The following ROPN1 variants were observed in gnomAD, a reference collection of about 807,000 sequenced individuals.
The protein encoded by ROPN1 is rhophilin associated tail protein 1, also known as ropporin-1A.
In ROPN1, 14 loss-of-function variants were observed where a neutral mutation model predicts 20.5. That is an observed-to-expected ratio of 0.68 (90% CI 0.45 to 1.07). The LOEUF (loss-of-function observed/expected upper bound fraction) is 1.07, where lower values mean the gene tolerates loss of function less well. ROPN1 is among the 50% of genes least tolerant of loss of function. ROPN1 has a pLI of 0.00. For missense variants in ROPN1, 169 were observed against 242.8 expected (o/e 0.70, Z 2.02); for synonymous variants, 76 against 95.7 (o/e 0.79, Z 1.20).
intron 2 of ROPN1, chr3:123,979,926 G>T (rs917794536): frequency 5.7e-6 from 2 of 350,836 alleles, no homozygotes; most frequent in Non-Finnish European, 1.1e-5. Flanking sequence ...CATCCACCCA[G>T]GGCTGTCGCT....
chr3:123,973,502 T>C (rs2037954617), intron 4 of ROPN1, among the ~76,000 whole-genome samples: 1 of 152,092 alleles, frequency 6.6e-6, no homozygotes, highest in Non-Finnish European at 1.5e-5. Flanking sequence ...CACCTCCTTA[T>C]TTTAGAAGGG....
chr3:123,990,611 A>G (rs2038385494), intron 1 of ROPN1, among the ~76,000 whole-genome samples: 1 of 152,248 alleles, frequency 6.6e-6, no homozygotes, highest in South Asian at 2.1e-4. Context: ...AGTGGGAGAA[A>G]GGTCCATTCT....
Position 123,990,906 on chromosome 3 carries a change from C to T in ROPN1, c.-13+1016G>A, listed in dbSNP as rs1397221524. On this transcript the variant is annotated intron_variant, in intron 1 of 5. Coordinates refer to ENST00000405845, the MANE Select transcript of ROPN1 (RefSeq NM_001317774.2). Reference sequence around the variant, plus strand: ...ATTGGTATGGGCTAAACAGGGCTTCCGTTTCATAAATGAAAGTCTCCAGTA... The same window carrying T: ...ATTGGTATGGGCTAAACAGGGCTTCTGTTTCATAAATGAAAGTCTCCAGTA... 8.5e-5 allele frequency among the ~76,000 whole-genome samples: 13 copies of T among 152,234 alleles called. No individual in the cohort carries two copies. The South Asian group carries it at 1.0e-3, about 12-fold the overall frequency.
chr3:123,977,036 C>G, intron 2 of ROPN1, 55 bp from the exon 3 acceptor site: 1 of 1,510,372 alleles, frequency 6.6e-7, no homozygotes, highest in Non-Finnish European at 9.0e-7. Context: ...TGGCCTCTGG[C>G]TGTTCTAGCA....
At chr3:123,983,681 T>C (rs1413977757) in intron 1 of ROPN1, among the ~76,000 whole-genome samples, 2 of 152,160 alleles carry the variant, frequency 1.3e-5, no homozygotes, top group African/African-American at 2.4e-5. Context: ...CTCTTGCAGT[T>C]TTTTTTTCTC....
intron 1 of ROPN1, among the ~76,000 whole-genome samples, chr3:123,990,655 A>G (rs1270657898): frequency 6.6e-6 from 1 of 152,212 alleles, no homozygotes; most frequent in Non-Finnish European, 1.5e-5. Context: ...CATTTTGTAA[A>G]GTTATTTTCC....
At chr3:123,974,663 G>C (rs2037981774) in intron 4 of ROPN1, 1 of 152,740 alleles carries the variant, frequency 6.5e-6, no homozygotes, top group African/African-American at 2.4e-5. Context: ...ATGTATCTCA[G>C]GGATTCTTTT....
At chr3:123,969,907 G>T in intron 5 of ROPN1, 135 bp downstream of exon 5, 11 of 844,222 alleles carry the variant, frequency 1.3e-5, no homozygotes, top group South Asian at 6.5e-5. Flanking sequence ...TTTTCTTTCA[G>T]ATCATCCATA....
In ROPN1 at chr3:123,974,349, A is replaced by T. The variant is rs1373891205; in HGVS notation, c.396+1030T>A. 3.3e-5 allele frequency among the ~76,000 whole-genome samples: 5 copies of T among 152,182 alleles called. No homozygotes were observed. In the East Asian group the frequency reaches 9.6e-4, roughly 29 times the overall value. The stretch of plus-strand genomic sequence containing the variant: ...TGCTGCTTACTTTCCTTTCCTCCTC[A>T]GAGGATAGTGATTTATTCAGTAATA... On this transcript the variant is annotated intron_variant, in intron 4 of 5. Transcript: ENST00000405845.
intron 1 of ROPN1, among the ~76,000 whole-genome samples, chr3:123,984,642 T>C (rs2038213392): frequency 6.6e-6 from 1 of 152,180 alleles, no homozygotes; most frequent in Non-Finnish European, 1.5e-5. Flanking sequence ...AATCATATCC[T>C]GACTTTCAAG....
chr3:123,972,877 T>TA (rs1331954975), intron 4 of ROPN1, among the ~76,000 whole-genome samples: 2 of 152,188 alleles, frequency 1.3e-5, no homozygotes, highest in African/African-American at 4.8e-5. Context: ...TAAAATACCT[T>TA]AGACTGGGTA....
chr3:123,978,424 C>A (rs925591718), intron 2 of ROPN1, among the ~76,000 whole-genome samples: 3 of 152,190 alleles, frequency 2.0e-5, no homozygotes, highest in African/African-American at 7.2e-5. Flanking sequence ...ACCAACATCT[C>A]TGGACTTCTT....
At chr3:123,972,952 C>A (rs1293641112) in intron 4 of ROPN1, among the ~76,000 whole-genome samples, 1 of 152,122 alleles carries the variant, frequency 6.6e-6, no homozygotes, top group Non-Finnish European at 1.5e-5. Flanking sequence ...GACCAAGAGG[C>A]CAGCAGATTT....
At chr3:123,990,869 T>G (rs2038392112) in intron 1 of ROPN1, among the ~76,000 whole-genome samples, 1 of 152,234 alleles carries the variant, frequency 6.6e-6, no homozygotes, top group Admixed American at 6.5e-5. Context: ...CAGGGATCTC[T>G]CACTTGGTTT....
intron 1 of ROPN1, among the ~76,000 whole-genome samples, chr3:123,982,271 A>G (rs752355478): frequency 3.3e-5 from 5 of 152,258 alleles, no homozygotes; most frequent in Non-Finnish European, 7.3e-5. Context: ...TAAGACAATA[A>G]CAACAATTCT....
chr3:123,976,070 G>A (rs2038015292), intron 3 of ROPN1, among the ~76,000 whole-genome samples: 1 of 152,220 alleles, frequency 6.6e-6, no homozygotes, highest in Non-Finnish European at 1.5e-5. Flanking sequence ...GATGCCTAAT[G>A]TTGCTTGATC....
chr3:123,970,419 T>G (rs2037892726), intron 4 of ROPN1, among the ~76,000 whole-genome samples: 1 of 152,250 alleles, frequency 6.6e-6, no homozygotes, highest in African/African-American at 2.4e-5. Context: ...GTATCTTTAT[T>G]TCTTTTCTTT....
intron 1 of ROPN1, among the ~76,000 whole-genome samples, chr3:123,981,015 T>C (rs1450855741): frequency 6.6e-6 from 1 of 152,182 alleles, no homozygotes; most frequent in Non-Finnish European, 1.5e-5. Context: ...GGTGAGCGTC[T>C]CTCTTTACAG....
At chr3:123,985,644 T>C (rs2038235169) in intron 1 of ROPN1, among the ~76,000 whole-genome samples, 1 of 151,380 alleles carries the variant, frequency 6.6e-6, no homozygotes, top group Non-Finnish European at 1.5e-5. Context: ...ATAATAAACA[T>C]TTGCCTCTAA....
Sources: allele counts gnomAD v4.1 joint callset (sites outside exome capture counted in the v4.1 genomes callset), GRCh38; gene constraint gnomAD v4.1.1; transcripts MANE v1.5; gene names NCBI Gene and HGNC (gene_info 2026-07-23, HGNC 2026-07-21).